Variants in SMIM36 observed in about 807,000 individuals in gnomAD.
SMIM36 encodes small integral membrane protein 36.
chr17:55,524,322 A>T, the SMIM36 span, among the ~76,000 whole-genome samples: 1 of 152,164 alleles, frequency 6.6e-6, no homozygotes, highest in African/African-American at 2.4e-5. Flanking sequence ...GTAATCTGTC[A>T]TCGATGGACA....
rs1567871210 is a variant in SMIM36 at position 55,501,411 on chromosome 17, TTATA to T, written c.*174+9464_*174+9467del. 1.8e-3 allele frequency among the ~76,000 whole-genome samples: 39 copies of T among 21,592 alleles called. 4 individuals are homozygous for T. The highest frequency in any genetic ancestry group is 0.012 in the African/African-American group (38 of 3,252). The allele number at this position is 21,592 out of a possible 152,430, so 14.2% of individuals were successfully genotyped here. On this transcript the variant is annotated intron_variant, in intron 1 of 4. Transcript: ENST00000636752. ...ATAATATATTATATATTATTATATA[TTATA>T]AAATATAATATATTATTATATATTA...
At chr17:55,519,506 G>A in the SMIM36 span, among the ~76,000 whole-genome samples, 1 of 152,128 alleles carries the variant, frequency 6.6e-6, no homozygotes, top group Non-Finnish European at 1.5e-5. Context: ...GGGTATGACC[G>A]GAATTGAGAT....
At chr17:55,471,997 C>T (rs941295626) in intron 3 of SMIM36, among the ~76,000 whole-genome samples, 2 of 152,162 alleles carry the variant, frequency 1.3e-5, no homozygotes, top group Non-Finnish European at 1.5e-5. Context: ...GTCTGCCCCT[C>T]GACTCCTCCA....
the SMIM36 span, among the ~76,000 whole-genome samples, chr17:55,517,044 A>G: frequency 2.0e-5 from 3 of 152,228 alleles, no homozygotes; most frequent in African/African-American, 7.2e-5. Context: ...CTTTGATTAC[A>G]TAGTATATTC....
intron 3 of SMIM36, among the ~76,000 whole-genome samples, chr17:55,474,218 G>A (rs1479140021): frequency 3.3e-5 from 5 of 152,140 alleles, no homozygotes; most frequent in Non-Finnish European, 5.9e-5. Flanking sequence ...TTTTGTCTGC[G>A]GCTTGTCCTG....
chr17:55,519,566 T>G, the SMIM36 span, among the ~76,000 whole-genome samples: 1 of 152,120 alleles, frequency 6.6e-6, no homozygotes, highest in Non-Finnish European at 1.5e-5. Flanking sequence ...TTAGAGTGTA[T>G]AGCAGAAGGG....
intron 1 of SMIM36, among the ~76,000 whole-genome samples, chr17:55,498,275 AG>A (rs1909843071): frequency 6.6e-6 from 1 of 152,208 alleles, no homozygotes; most frequent in Admixed American, 6.5e-5. Flanking sequence ...TTACATCCTG[AG>A]GTACAGGGTA....
intron 3 of SMIM36, among the ~76,000 whole-genome samples, chr17:55,476,373 C>T (rs1019796492): frequency 1.3e-5 from 2 of 152,170 alleles, no homozygotes; most frequent in South Asian, 4.2e-4. Flanking sequence ...TTTTCCACTA[C>T]CTACCCAAAT....
chr17:55,464,906 T>G (rs1316157016), intron 4 of SMIM36, among the ~76,000 whole-genome samples: 1 of 152,234 alleles, frequency 6.6e-6, no homozygotes, highest in African/African-American at 2.4e-5. Flanking sequence ...TAGTCCATAG[T>G]TCTTGGATTT....
intron 1 of SMIM36, among the ~76,000 whole-genome samples, chr17:55,510,375 C>G (rs1378824019): frequency 2.0e-5 from 3 of 152,028 alleles, no homozygotes; most frequent in Admixed American, 2.0e-4. Flanking sequence ...GAGACTGAGG[C>G]AGGAGGATTG....
the SMIM36 span, among the ~76,000 whole-genome samples, chr17:55,521,815 T>C: frequency 2.0e-5 from 3 of 151,896 alleles, no homozygotes; most frequent in Non-Finnish European, 4.4e-5. Context: ...ATTTAAAATA[T>C]ATTGGGAATG....
chr17:55,489,729 C>T (rs1161220528), intron 1 of SMIM36, among the ~76,000 whole-genome samples: 1 of 152,222 alleles, frequency 6.6e-6, no homozygotes, highest in Non-Finnish European at 1.5e-5. Flanking sequence ...GTTCATGTGT[C>T]TCCCTCATCT....
the SMIM36 span, among the ~76,000 whole-genome samples, chr17:55,517,366 CA>C: frequency 4.6e-5 from 7 of 152,144 alleles, no homozygotes; most frequent in African/African-American, 1.7e-4. Context: ...GCCTGGCCAA[CA>C]TGGTGAAACC....
At chr17:55,515,603 G>T (rs993813887), upstream of SMIM36, among the ~76,000 whole-genome samples, 3 of 152,296 alleles carry the variant, frequency 2.0e-5, no homozygotes, top group Admixed American at 6.5e-5. Flanking sequence ...ACACAGGGAG[G>T]AGATGCTATG....
chr17:55,456,116 CAAAAAAAAAAAA>C lies in SMIM36; in HGVS notation c.*532-5830_*532-5819del, dbSNP rs10546288. On this transcript the variant is annotated intron_variant, in intron 4 of 4. Transcript: ENST00000636752. ...CTGGGCAACAAGTGCAAAACTGTCT[CAAAAAAAAAAAA>C]AAAAAAAAAAAAAAAAAGGATCATT... 1.0e-4 allele frequency among the ~76,000 whole-genome samples: 4 copies of C among 39,500 alleles called. No individual in the cohort carries two copies. In the Admixed American group the frequency reaches 1.2e-3, roughly 11 times the overall value. The allele number at this position is 39,500 out of a possible 152,430, so 25.9% of individuals were successfully genotyped here. A position where few individuals can be genotyped will look rare whatever the true frequency, so the allele number is the denominator to read the frequency against.
intron 1 of SMIM36, among the ~76,000 whole-genome samples, chr17:55,501,511 T>G (rs1169456168): frequency 9.0e-6 from 1 of 110,784 alleles, no homozygotes; most frequent in Non-Finnish European, 1.7e-5. Context: ...TATATTATTA[T>G]GTATTATATA....
At chr17:55,463,734 C>G (rs943499423) in intron 4 of SMIM36, among the ~76,000 whole-genome samples, 1 of 151,686 alleles carries the variant, frequency 6.6e-6, no homozygotes, top group African/African-American at 2.4e-5. Flanking sequence ...CATTCAGAAA[C>G]AGGAAGCCTG....
chr17:55,512,600 T>C (rs1400733591), upstream of SMIM36, among the ~76,000 whole-genome samples: 1 of 152,262 alleles, frequency 6.6e-6, no homozygotes, highest in Non-Finnish European at 1.5e-5. Flanking sequence ...TAGTCCCGCA[T>C]AGGCTACTTC....
chr17:55,496,767 C>T (rs1235036616), intron 1 of SMIM36, among the ~76,000 whole-genome samples: 2 of 152,210 alleles, frequency 1.3e-5, no homozygotes, highest in African/African-American at 4.8e-5. Context: ...GACTTTTCTG[C>T]ACCCACCTTG....
Sources: gnomAD v4.1 joint callset for allele counts (sites outside exome capture counted in the v4.1 genomes callset) on GRCh38, gnomAD v4.1.1 for gene constraint, MANE v1.5 for transcripts, NCBI Gene and HGNC (gene_info 2026-07-23, HGNC 2026-07-21) for gene names.